DYNC2H1: variants seen among roughly 807,000 people sequenced by gnomAD.
DYNC2H1 encodes dynein cytoplasmic 2 heavy chain 1.
In DYNC2H1, 410 loss-of-function variants were observed where a neutral mutation model predicts 570.0. The observed-to-expected ratio is 0.72, with a 90% confidence interval of 0.66 to 0.78. DYNC2H1 has a LOEUF of 0.78. Among genes scored for constraint, DYNC2H1 ranks in the 30% least tolerant of loss-of-function variants. The probability of loss-of-function intolerance (pLI) is 0.00; values close to 1 mark genes in which losing one functional copy is unlikely to be tolerated. For synonymous variants in DYNC2H1, 1,688 were observed against 1,677.6 expected, an observed-to-expected ratio of 1.01 and a Z score of -0.15; for missense variants, 4,865 against 5,046.4, an observed-to-expected ratio of 0.96 and a Z score of 1.09.
In DYNC2H1 at chr11:103,306,325, GTTA is replaced by G. The variant is rs1445111173; in HGVS notation, c.11383-1391_11383-1389del. Among the ~76,000 whole-genome samples, 3 of 152,186 alleles carry G rather than the reference GTTA, an allele frequency of 2.0e-5. No individual in the cohort carries two copies. The East Asian group carries it at 5.8e-4, about 29-fold the overall frequency. The stretch of plus-strand genomic sequence containing the variant: ...CTAATCTATGTAAAATGTAATTAGA[GTTA>G]TTATCTTGAAAGCACATCTTAATTA... On this transcript the variant is annotated intron_variant, in intron 77 of 88. Transcript: ENST00000375735.
rs189094804 is a variant in DYNC2H1, at chr11:103,348,705, G to T, written c.12040-9538G>T. 7.8e-4 allele frequency among the ~76,000 whole-genome samples: 118 copies of T among 152,204 alleles called. 1 individual carries two copies. The highest frequency in any genetic ancestry group is 2.7e-3 in the African/African-American group (112 of 41,532). The stretch of plus-strand genomic sequence containing the variant: ...TTTGTTTATCCATTTAGTCATTGAA[G>T]ATATTAGTTTGTTTCCATTTTGGGG... On this transcript the variant is annotated intron_variant, in intron 82 of 88. Transcript: ENST00000375735.
chr11:103,333,014 A>G (rs1303605170), intron 82 of DYNC2H1, among the ~76,000 whole-genome samples: 1 of 145,414 alleles, frequency 6.9e-6, no homozygotes, highest in Non-Finnish European at 1.5e-5. Context: ...AAAAAAAAAA[A>G]ATCTTTCTTA....
chr11:103,120,587 A>C lies in DYNC2H1; in HGVS notation c.1134+6A>C, dbSNP rs1422272954. The C allele has an allele frequency of 1.2e-6, 2 of 1,608,862 alleles. No homozygotes were observed. Among genetic ancestry groups the C allele is most frequent in the Non-Finnish European group, 1.7e-6 (2 of 1,177,766 alleles). The stretch of plus-strand genomic sequence containing the variant: ...AATATAATCCATATACTGAGGTTGT[A>C]TATATATTTGTTTATGTCTGTACAG... On this transcript the variant is annotated splice_donor_region_variant and intron_variant, in intron 7 of 88. Transcript: ENST00000375735.
At chr11:103,172,053 T>C (rs1861597354) in intron 34 of DYNC2H1, among the ~76,000 whole-genome samples, 1 of 152,072 alleles carries the variant, frequency 6.6e-6, no homozygotes, top group Non-Finnish European at 1.5e-5. Flanking sequence ...GAAATTATCA[T>C]GTTATATAAA....
At position 103,135,942 on chromosome 11, in the gene DYNC2H1, A is replaced by T. The variant is rs751432591; in HGVS notation, c.2568A>T (p.Gln856His). 10 of 1,602,144 alleles carry T rather than the reference A, an allele frequency of 6.2e-6. No homozygotes were observed. Among genetic ancestry groups the T allele is most frequent in the Non-Finnish European group, 8.5e-6 (10 of 1,173,554 alleles). ...LFRRLSAVLH[Q>H]HKEWIVIGQV... ...GAAGATTGTCAGCTGTTTTACACCAACATAAGGTATAGAACATGTAATGTT... is the reference window on the plus strand; with the variant it reads ...GAAGATTGTCAGCTGTTTTACACCATCATAAGGTATAGAACATGTAATGTT... Residue 856 changes from glutamine to histidine, a missense_variant, in exon 17 of 89, where the codon CAA (glutamine) becomes CAT (histidine). Gln to His is a conservative substitution (Grantham distance 24, BLOSUM62 0). This residue lies in a region of DYNC2H1 where 1,936 missense variants were observed against 1,962.1 expected (regional missense o/e 0.99). Transcript: ENST00000375735.
In DYNC2H1 at chr11:103,163,219, G is replaced by T. The variant is rs1591342386; in HGVS notation, c.4611+72G>T. The T allele has an allele frequency of 2.0e-6, 3 of 1,499,280 alleles. No homozygotes were observed. The highest frequency in any genetic ancestry group is 2.7e-6 in the Non-Finnish European group (3 of 1,118,076). 92.9% of individuals were successfully genotyped at this position (1,499,280 alleles called of 1,614,324 possible). A position where few individuals can be genotyped will look rare whatever the true frequency, so the allele number is the denominator to read the frequency against. ...AGATCCCTGACCTAGAAGCCAGGAG[G>T]CTCAGATAAATCGCATCTGTTTTCT... On this transcript the variant is annotated intron_variant, in intron 30 of 88. Coordinates refer to ENST00000375735, the MANE Select transcript of DYNC2H1 (RefSeq NM_001377.3). The surrounding 1 kb of genome is among the most constrained non-coding windows in gnomAD (Gnocchi z 4.6).
At chr11:103,193,254 G>A (rs1261369262) in intron 47 of DYNC2H1, among the ~76,000 whole-genome samples, 1 of 152,116 alleles carries the variant, frequency 6.6e-6, no homozygotes, top group African/African-American at 2.4e-5. Context: ...TGGAGTGAGG[G>A]TTTATGTCAT....
chr11:103,340,754 A>G (rs1400470316), intron 82 of DYNC2H1, among the ~76,000 whole-genome samples: 2 of 152,086 alleles, frequency 1.3e-5, no homozygotes, highest in African/African-American at 2.4e-5. Context: ...TTTCGTAACT[A>G]TTGTCTGGCC....
chr11:103,467,360 C>A (rs1317897131), intron 87 of DYNC2H1, among the ~76,000 whole-genome samples: 2 of 152,130 alleles, frequency 1.3e-5, no homozygotes, highest in Admixed American at 1.3e-4. Flanking sequence ...TGAAATCATT[C>A]AAAACAATTG....
chr11:103,390,680 T>A (rs1371998941), intron 83 of DYNC2H1, among the ~76,000 whole-genome samples: 2 of 152,242 alleles, frequency 1.3e-5, no homozygotes, highest in Non-Finnish European at 2.9e-5. Context: ...GGAGCTCTTG[T>A]AGGGCAGGCC....
rs1405240542 is a variant in DYNC2H1 at position 103,299,237 on chromosome 11, C to T, written c.11096-3856C>T. 6.6e-6 allele frequency among the ~76,000 whole-genome samples: 1 copy of T among 152,096 alleles called. No homozygotes were observed. ...GTTCTGTACCTCTTATGGCATCATC[C>T]CATCCCATGCACCCTGCTTTCATAG... On this transcript the variant is annotated intron_variant, in intron 75 of 88. Transcript: ENST00000375735. This position sits in a 1 kb window ranked among gnomAD's most constrained non-coding sequence, Gnocchi z 4.5.
chr11:103,211,754 A>G (rs557033426), intron 53 of DYNC2H1, 35 bp from the exon 54 acceptor site: 20 of 915,496 alleles, frequency 2.2e-5, no homozygotes, highest in African/African-American at 8.5e-5. Flanking sequence ...AATCATACAT[A>G]TAATAAGTTA....
In DYNC2H1 at chr11:103,303,077, A is replaced by T; in HGVS notation, c.11096-16A>T. On this transcript the variant is annotated splice_polypyrimidine_tract_variant and intron_variant, in intron 75 of 88. Coordinates refer to ENST00000375735, the MANE Select transcript of DYNC2H1 (RefSeq NM_001377.3). ...CATACTGCTTTTATTTTTAATTTTT[A>T]AAATATATATTTTAGGACTGAAAGA... 7.0e-7 allele frequency: 1 copy of T among 1,422,148 alleles called. No homozygotes were observed. Among genetic ancestry groups the T allele is most frequent in the African/African-American group, 1.5e-5 (1 of 68,734 alleles). 88.1% of individuals were successfully genotyped at this position (1,422,148 alleles called of 1,614,324 possible).
chr11:103,194,748 C>CA (rs990770703), intron 47 of DYNC2H1, among the ~76,000 whole-genome samples: 2 of 152,010 alleles, frequency 1.3e-5, no homozygotes, highest in South Asian at 2.1e-4. Flanking sequence ...GACGGAGTCT[C>CA]ACTCTGTTTC....
At chr11:103,160,187 T>C (rs1053758982) in intron 28 of DYNC2H1, among the ~76,000 whole-genome samples, 3 of 152,132 alleles carry the variant, frequency 2.0e-5, no homozygotes, top group Admixed American at 6.6e-5. Context: ...GTTTTTTCTT[T>C]ATATTGCAAA....
chr11:103,399,283 C>T (rs1942530460), intron 83 of DYNC2H1, among the ~76,000 whole-genome samples: 1 of 150,672 alleles, frequency 6.6e-6, no homozygotes, highest in South Asian at 2.1e-4. Context: ...GCTGTGGTTA[C>T]AGGTGCACAC....
At chr11:103,293,432 G>T (rs1866693191) in intron 75 of DYNC2H1, among the ~76,000 whole-genome samples, 1 of 152,130 alleles carries the variant, frequency 6.6e-6, no homozygotes, top group Non-Finnish European at 1.5e-5. Flanking sequence ...GATTTTGGCT[G>T]TCTTGTACCT....
chr11:103,457,733 C>T (rs1195470370), intron 87 of DYNC2H1, among the ~76,000 whole-genome samples: 1 of 152,070 alleles, frequency 6.6e-6, no homozygotes, highest in African/African-American at 2.4e-5. Flanking sequence ...CCTTGGCCTC[C>T]CAGAGTGCTA....
chr11:103,163,221 T>A lies in DYNC2H1; in HGVS notation c.4611+74T>A. 1 of 1,491,514 alleles carries A rather than the reference T, an allele frequency of 6.7e-7. No individual in the cohort carries two copies. Among genetic ancestry groups the A allele is most frequent in the South Asian group, 1.4e-5 (1 of 71,302 alleles). The allele number at this position is 1,491,514 out of a possible 1,614,324, so 92.4% of individuals were successfully genotyped here. ...ATCCCTGACCTAGAAGCCAGGAGGC[T>A]CAGATAAATCGCATCTGTTTTCTCC... is the stretch of plus-strand genomic sequence containing the variant. On this transcript the variant is annotated intron_variant, in intron 30 of 88. Transcript: ENST00000375735. The surrounding 1 kb of genome is among the most constrained non-coding windows in gnomAD (Gnocchi z 4.6).
Sources: gnomAD v4.1 joint callset for allele counts (sites outside exome capture counted in the v4.1 genomes callset) on GRCh38, gnomAD v4.1.1 for gene constraint, gnomAD v4.1.1 regional missense constraint, Gnocchi (gnomAD v3.1) non-coding constraint, MANE v1.5 for transcripts, NCBI Gene and HGNC (gene_info 2026-07-23, HGNC 2026-07-21) for gene names.